The following NXPE2 variants were observed in gnomAD, a reference collection of about 807,000 sequenced individuals.
NXPE2 encodes the protein neurexophilin and PC-esterase domain family member 2.
Under a neutral mutation model 34.4 loss-of-function variants are expected in NXPE2, and 34 were observed. The ratio of observed to expected loss-of-function variants is 0.99; its 90% CI spans 0.75 to 1.31. NXPE2 has a LOEUF of 1.31. Ranked by LOEUF, NXPE2 falls within the 40% of genes most tolerant of loss-of-function variation. The pLI is 0.00. For missense variants in NXPE2, 649 were observed against 672.5 expected (o/e 0.97, Z 0.39); for synonymous variants, 235 against 231.3 (o/e 1.02, Z -0.15).
the NXPE2 span, among the ~76,000 whole-genome samples, chr11:114,629,874 A>G: frequency 3.3e-5 from 5 of 150,600 alleles, no homozygotes; most frequent in South Asian, 1.1e-3. Context: ...TTATACACCA[A>G]CAACAGACAA....
At chr11:114,465,116 G>A in the NXPE2 span, among the ~76,000 whole-genome samples, 3 of 152,112 alleles carry the variant, frequency 2.0e-5, no homozygotes, top group African/African-American at 4.8e-5. Flanking sequence ...GGAGACTCAC[G>A]TGACATTACT....
the NXPE2 span, among the ~76,000 whole-genome samples, chr11:114,505,272 G>A: frequency 2.6e-5 from 4 of 152,134 alleles, no homozygotes; most frequent in Non-Finnish European, 5.9e-5. Flanking sequence ...AAAGAAATGG[G>A]GAGAATGGAA....
chr11:114,592,454 C>A, the NXPE2 span, among the ~76,000 whole-genome samples: 2 of 151,932 alleles, frequency 1.3e-5, no homozygotes, highest in Middle Eastern at 3.4e-3. Flanking sequence ...ATAAATTGAT[C>A]TAAAGAGGTG....
At chr11:114,809,393 G>A in the NXPE2 span, among the ~76,000 whole-genome samples, 1 of 151,602 alleles carries the variant, frequency 6.6e-6, no homozygotes, top group African/African-American at 2.4e-5. Flanking sequence ...AGGAAAAGAG[G>A]AAGTCAAATT....
the NXPE2 span, among the ~76,000 whole-genome samples, chr11:114,632,473 C>CTATAT: frequency 8.2e-6 from 1 of 122,218 alleles, no homozygotes; most frequent in African/African-American, 3.1e-5. Context: ...ATTATATATA[C>CTATAT]TATATAATAC....
chr11:114,676,093 A>C (rs1419546861), upstream of NXPE2, among the ~76,000 whole-genome samples: 1 of 152,016 alleles, frequency 6.6e-6, no homozygotes, highest in Non-Finnish European at 1.5e-5. Flanking sequence ...ATATAAAAAA[A>C]ATCCAACTGA....
At chr11:114,546,602 A>C in the NXPE2 span, among the ~76,000 whole-genome samples, 1 of 151,828 alleles carries the variant, frequency 6.6e-6, no homozygotes, top group Non-Finnish European at 1.5e-5. Context: ...ATGCCTGGCC[A>C]ATATTTCTGA....
the NXPE2 span, among the ~76,000 whole-genome samples, chr11:114,487,579 A>G: frequency 1.3e-5 from 2 of 152,294 alleles, no homozygotes; most frequent in Non-Finnish European, 2.9e-5. Context: ...AAAACTGGGC[A>G]TACTTGTCTT....
chr11:114,521,788 T>G, the NXPE2 span: 2 of 549,372 alleles, frequency 3.6e-6, no homozygotes, highest in African/African-American at 3.8e-5. Context: ...TCTTCATGAA[T>G]GATTCTCTTG....
chr11:114,580,489 C>T, the NXPE2 span: 10 of 638,900 alleles, frequency 1.6e-5, no homozygotes, highest in East Asian at 2.7e-4. Context: ...CTTAATGGAA[C>T]AGCTGTTTTT....
the NXPE2 span, among the ~76,000 whole-genome samples, chr11:114,668,267 G>A: frequency 6.6e-6 from 1 of 151,938 alleles, no homozygotes; most frequent in Admixed American, 6.6e-5. Context: ...GGAGACTTCT[G>A]GAGGAAGATA....
chr11:114,758,182 C>G, the NXPE2 span, among the ~76,000 whole-genome samples: 10 of 152,308 alleles, frequency 6.6e-5, no homozygotes, highest in East Asian at 1.9e-3. Context: ...GTCCACTAAC[C>G]TGTCCCATTT....
the NXPE2 span, among the ~76,000 whole-genome samples, chr11:114,715,177 A>G: frequency 2.0e-5 from 3 of 152,198 alleles, no homozygotes; most frequent in Non-Finnish European, 2.9e-5. Flanking sequence ...GCTAGAAGTG[A>G]AGGAAAGAAT....
At chr11:114,649,137 T>A in the NXPE2 span, among the ~76,000 whole-genome samples, 3 of 151,990 alleles carry the variant, frequency 2.0e-5, no homozygotes, top group Non-Finnish European at 4.4e-5. Flanking sequence ...TCATGTTTTT[T>A]TTTTTTTAAC....
chr11:114,652,314 C>G, the NXPE2 span, among the ~76,000 whole-genome samples: 1 of 152,148 alleles, frequency 6.6e-6, no homozygotes, highest in South Asian at 2.1e-4. Flanking sequence ...TCCTTCCTAC[C>G]CCTTTGGAAA....
At chr11:114,751,210 TC>T in the NXPE2 span, among the ~76,000 whole-genome samples, 1 of 152,192 alleles carries the variant, frequency 6.6e-6, no homozygotes, top group Non-Finnish European at 1.5e-5. Flanking sequence ...AGCTATGTGG[TC>T]CCAGCCAACT....
At chr11:114,547,522 G>T in the NXPE2 span, among the ~76,000 whole-genome samples, 1 of 152,136 alleles carries the variant, frequency 6.6e-6, no homozygotes, top group African/African-American at 2.4e-5. Flanking sequence ...ATCACTTGAG[G>T]TTAGGAGTTT....
chr11:114,498,879 A>G, the NXPE2 span, among the ~76,000 whole-genome samples: 1 of 152,036 alleles, frequency 6.6e-6, no homozygotes, highest in Non-Finnish European at 1.5e-5. Flanking sequence ...GGGCTTTGGT[A>G]TTAGAGTATT....
the NXPE2 span, among the ~76,000 whole-genome samples, chr11:114,499,124 A>AG: frequency 6.6e-6 from 1 of 152,082 alleles, no homozygotes. Flanking sequence ...TGTTTTTAGA[A>AG]AATCACACGT....
Sources: gnomAD v4.1 joint callset for allele counts (sites outside exome capture counted in the v4.1 genomes callset) on GRCh38, gnomAD v4.1.1 for gene constraint, MANE v1.5 for transcripts, NCBI Gene and HGNC (gene_info 2026-07-23, HGNC 2026-07-21) for gene names.